Variants in FBLN7 observed in about 807,000 individuals in gnomAD.
FBLN7 encodes the protein fibulin-7.
Under a neutral mutation model 44.0 loss-of-function variants are expected in FBLN7, and 31 were observed. The ratio of observed to expected loss-of-function variants is 0.70; its 90% CI spans 0.53 to 0.95. The LOEUF (loss-of-function observed/expected upper bound fraction) is 0.95. Among genes scored for constraint, FBLN7 ranks in the 40% least tolerant of loss-of-function variants. The pLI, the probability that FBLN7 is intolerant of heterozygous loss-of-function variation, is 0.00. For missense variants in FBLN7, 573 were observed against 618.5 expected, an observed-to-expected ratio of 0.93 and a Z score of 0.78; for synonymous variants, 262 against 253.4, an observed-to-expected ratio of 1.03 and a Z score of -0.32.
chr2:112,228,828 T>C, the FBLN7 span, among the ~76,000 whole-genome samples: 2 of 152,214 alleles, frequency 1.3e-5, no homozygotes, highest in South Asian at 2.1e-4. Flanking sequence ...TTGCAAATCA[T>C]GTATCTAATA....
rs1445939660 is a variant in FBLN7 at position 112,187,371 on chromosome 2, T to C, written c.1185T>C (p.Asp395=). 1.2e-6 allele frequency: 2 copies of C among 1,614,160 alleles called. No individual in the cohort carries two copies. ...VMQRSDRQTG[D]LILVQNLEGP... ...AGCGTTCAGACCGGCAGACTGGGGATCTGATCCTTGTGCAGAACCTGGAGG... is the reference window on the plus strand; with the variant it reads ...AGCGTTCAGACCGGCAGACTGGGGACCTGATCCTTGTGCAGAACCTGGAGG... The change falls in exon 8 of 8, where the codon GAT becomes GAC. Residue 395 remains aspartate (D), a synonymous_variant. Transcript: ENST00000331203. This position sits in a 1 kb window ranked among gnomAD's most constrained non-coding sequence, Gnocchi z 5.1.
At chr2:112,193,423 G>A in the FBLN7 span, among the ~76,000 whole-genome samples, 1 of 152,154 alleles carries the variant, frequency 6.6e-6, no homozygotes, top group African/African-American at 2.4e-5. Context: ...CTAGGTGACA[G>A]AGCAAGACTC....
At chr2:112,212,303 G>A in the FBLN7 span, 1 of 152,244 alleles carries the variant, frequency 6.6e-6, no homozygotes, top group Admixed American at 6.5e-5. Context: ...AGTCCTAGGA[G>A]TCAGGATTTC....
chr2:112,141,249 G>T (rs555436458), intron 1 of FBLN7, among the ~76,000 whole-genome samples: 1 of 152,346 alleles, frequency 6.6e-6, no homozygotes, highest in African/African-American at 2.4e-5. Flanking sequence ...GATGATGAAA[G>T]TGAGGCCCAG....
At chr2:112,185,056 A>T in intron 6 of FBLN7, 145 bp from the exon 7 acceptor site, 1 of 1,139,868 alleles carries the variant, frequency 8.8e-7, no homozygotes, top group Non-Finnish European at 1.2e-6. Flanking sequence ...CACACAGTTA[A>T]GGAAGGCAGG....
chr2:112,199,345 A>G, the FBLN7 span, among the ~76,000 whole-genome samples: 1 of 152,122 alleles, frequency 6.6e-6, no homozygotes, highest in African/African-American at 2.4e-5. Context: ...CGGAGTGAAA[A>G]ATTGCTCTAT....
the FBLN7 span, among the ~76,000 whole-genome samples, chr2:112,222,455 A>G: frequency 6.6e-6 from 1 of 152,170 alleles, no homozygotes; most frequent in East Asian, 1.9e-4. Flanking sequence ...CTGTGCCCTA[A>G]AAAAAGAAGA....
At chr2:112,162,205 T>C (rs1192359387) in intron 2 of FBLN7, among the ~76,000 whole-genome samples, 3 of 151,816 alleles carry the variant, frequency 2.0e-5, no homozygotes, top group African/African-American at 7.3e-5. Context: ...AGATGGGGTC[T>C]CACTATGTTG....
chr2:112,145,691 C>T (rs1680870523), intron 1 of FBLN7, among the ~76,000 whole-genome samples: 1 of 152,064 alleles, frequency 6.6e-6, no homozygotes, highest in African/African-American at 2.4e-5. Context: ...TTTATTATGA[C>T]CCATGTTGAG....
rs540196657 is a variant in FBLN7 at position 112,142,028 on chromosome 2, C to A, written c.75+3298C>A. On this transcript the variant is annotated intron_variant, in intron 1 of 7. Coordinates refer to ENST00000331203, the MANE Select transcript of FBLN7 (RefSeq NM_153214.3). ...AGGTGCTTTGTGAGGGGAAAGGGAA[C>A]AAAAGAGATTGCCCATAGATGGTCA... is the stretch of plus-strand genomic sequence containing the variant. 1.3e-3 allele frequency among the ~76,000 whole-genome samples: 193 copies of A among 152,274 alleles called. 1 individual carries two copies. The highest frequency in any genetic ancestry group is 4.5e-3 in the African/African-American group (185 of 41,564).
intron 1 of FBLN7, among the ~76,000 whole-genome samples, chr2:112,139,960 A>AGC: frequency 1.5e-5 from 1 of 65,678 alleles, no homozygotes; most frequent in African/African-American, 8.0e-5. Flanking sequence ...TCTCCACGCC[A>AGC]GTGTCCCTCC....
chr2:112,243,376 C>A, the FBLN7 span, among the ~76,000 whole-genome samples: 4 of 152,184 alleles, frequency 2.6e-5, no homozygotes, highest in Non-Finnish European at 5.9e-5. Flanking sequence ...CCATAAATGT[C>A]TTCCAGGCAA....
intron 1 of FBLN7, among the ~76,000 whole-genome samples, chr2:112,140,457 G>A (rs1363943940): frequency 6.6e-6 from 1 of 152,222 alleles, no homozygotes; most frequent in Non-Finnish European, 1.5e-5. Context: ...TGCCTGGGCT[G>A]GGGTTCAGTT....
At chr2:112,203,028 C>CA in the FBLN7 span, among the ~76,000 whole-genome samples, 1 of 151,566 alleles carries the variant, frequency 6.6e-6, no homozygotes, top group African/African-American at 2.4e-5. Flanking sequence ...AGAGGCTGAG[C>CA]AAAAAACAAA....
chr2:112,216,620 C>T, the FBLN7 span, among the ~76,000 whole-genome samples: 1 of 151,492 alleles, frequency 6.6e-6, no homozygotes, highest in African/African-American at 2.4e-5. Context: ...ATTAAACACC[C>T]CTCTTTGGGA....
intron 1 of FBLN7, among the ~76,000 whole-genome samples, chr2:112,150,677 G>A (rs967488866): frequency 2.6e-5 from 4 of 152,104 alleles, no homozygotes; most frequent in Non-Finnish European, 4.4e-5. Flanking sequence ...TGACTGATCT[G>A]GGGCAAGTTC....
At chr2:112,143,697 A>G (rs1000889360) in intron 1 of FBLN7, among the ~76,000 whole-genome samples, 1 of 152,048 alleles carries the variant, frequency 6.6e-6, no homozygotes, top group Non-Finnish European at 1.5e-5. Context: ...GGCAGCCCTT[A>G]TCTATTCTTT....
chr2:112,196,558 A>G, the FBLN7 span, among the ~76,000 whole-genome samples: 1 of 151,900 alleles, frequency 6.6e-6, no homozygotes, highest in Non-Finnish European at 1.5e-5. Flanking sequence ...GGAGTGAGCC[A>G]CAGTGCCCAG....
the FBLN7 span, chr2:112,211,609 A>G: frequency 1.3e-5 from 2 of 152,388 alleles, no homozygotes; most frequent in East Asian, 1.9e-4. Flanking sequence ...CACTGAATCA[A>G]TAAGATTCAC....
Sources: gnomAD v4.1 joint callset for allele counts (sites outside exome capture counted in the v4.1 genomes callset) on GRCh38, gnomAD v4.1.1 for gene constraint, Gnocchi (gnomAD v3.1) non-coding constraint, MANE v1.5 for transcripts, NCBI Gene and HGNC (gene_info 2026-07-23, HGNC 2026-07-21) for gene names.